The following WDR25 variants were observed in gnomAD, a reference collection of about 807,000 sequenced individuals.
WDR25 encodes WD repeat domain 25, also known as WD repeat-containing protein 25.
A neutral mutation model predicts 47.7 loss-of-function variants in WDR25; 35 were observed. The ratio of observed to expected loss-of-function variants is 0.73; its 90% CI spans 0.56 to 0.97. The LOEUF is 0.97. Among genes scored for constraint, WDR25 ranks in the 50% least tolerant of loss-of-function variants. The pLI is 0.00. For missense variants in WDR25, 634 were observed against 704.7 expected, an observed-to-expected ratio of 0.90 and a Z score of 1.14; for synonymous variants, 248 against 278.9, an observed-to-expected ratio of 0.89 and a Z score of 1.10.
At chr14:100,422,903 T>TGGCTTATGATGTCAATTTTTC (rs1898067886) in intron 2 of WDR25, among the ~76,000 whole-genome samples, 1 of 152,218 alleles carries the variant, frequency 6.6e-6, no homozygotes. Context: ...TGCTATTTTT[T>TGGCTTATGATGTCAATTTTTC]GGCTTATGAT....
At chr14:100,454,443 T>G (rs1484031618) in intron 2 of WDR25, 1 of 1,287,220 alleles carries the variant, frequency 7.8e-7, no homozygotes, top group South Asian at 1.2e-5. Context: ...AATTGAAAAT[T>G]ATGTTTGGCT....
At chr14:100,517,234 C>T (rs935798093) in intron 4 of WDR25, among the ~76,000 whole-genome samples, 2 of 150,382 alleles carry the variant, frequency 1.3e-5, no homozygotes, top group African/African-American at 4.9e-5. Flanking sequence ...TCCTGCCTCA[C>T]GCCTGGCTAA....
chr14:100,401,412 C>A (rs1897378880), intron 2 of WDR25, among the ~76,000 whole-genome samples: 1 of 152,186 alleles, frequency 6.6e-6, no homozygotes, highest in Non-Finnish European at 1.5e-5. Context: ...GTCGTGGAGG[C>A]TGGTCCCCTG....
chr14:100,376,510 C>T lies in WDR25; in HGVS notation c.-16+15C>T, dbSNP rs1286857364. 4 of 1,231,826 alleles carry T rather than the reference C, an allele frequency of 3.2e-6. No homozygotes were observed. The highest frequency in any genetic ancestry group is 4.0e-6 in the Non-Finnish European group (4 of 988,052). 76.3% of individuals were successfully genotyped at this position (1,231,826 alleles called of 1,614,324 possible). On this transcript the variant is annotated intron_variant, in intron 1 of 6. Transcript: ENST00000402312. ...GAGCGCTTCCGGTGCGTGTGGTGAG[C>T]GGCGGGCCCCGGGCTGGAGGGGCCG...
intron 2 of WDR25, among the ~76,000 whole-genome samples, chr14:100,400,721 C>T (rs1897358166): frequency 6.6e-6 from 1 of 152,180 alleles, no homozygotes; most frequent in Non-Finnish European, 1.5e-5. Flanking sequence ...GCACTGGGGT[C>T]TTTTTGTTTT....
chr14:100,437,829 A>T (rs1038032094), intron 2 of WDR25, among the ~76,000 whole-genome samples: 2 of 152,076 alleles, frequency 1.3e-5, no homozygotes, highest in African/African-American at 4.8e-5. Context: ...CAGAGCATTT[A>T]TCTGCCCAGC....
intron 2 of WDR25, among the ~76,000 whole-genome samples, chr14:100,421,283 C>G (rs536228479): frequency 6.6e-6 from 1 of 152,252 alleles, no homozygotes; most frequent in South Asian, 2.1e-4. Context: ...TCCTATGAAC[C>G]AGAGAAGGGG....
chr14:100,403,446 T>C (rs34393347), intron 2 of WDR25, among the ~76,000 whole-genome samples: 28,766 of 152,180 alleles, frequency 0.19, 2,868 homozygotes, highest in Non-Finnish European at 0.21. Flanking sequence ...CTGGGCAGAT[T>C]TGTGTTTGAG....
At chr14:100,474,282 A>G (rs1011816198) in intron 3 of WDR25, among the ~76,000 whole-genome samples, 1 of 152,232 alleles carries the variant, frequency 6.6e-6, no homozygotes, top group Admixed American at 6.5e-5. Flanking sequence ...TACGGATATT[A>G]AATCAAATGT....
rs189750949 is a variant in WDR25, at chr14:100,407,835, C to T, written c.822+26089C>T. Among the ~76,000 whole-genome samples, 14 of 152,258 alleles carry T rather than the reference C, an allele frequency of 9.2e-5. No individual in the cohort carries two copies. Among genetic ancestry groups the T allele is most frequent in the East Asian group, 1.9e-4 (1 of 5,174 alleles). ...CCCGTCCCCGTTCAGGAGCCTCTCA[C>T]GTGTATTGCCTCTCACGTGTATTGT... On this transcript the variant is annotated intron_variant, in intron 2 of 6. Transcript: ENST00000402312. This position sits in a 1 kb window ranked among gnomAD's most constrained non-coding sequence, Gnocchi z 4.1.
intron 4 of WDR25, among the ~76,000 whole-genome samples, chr14:100,518,993 C>A (rs188457876): frequency 2.0e-5 from 3 of 151,290 alleles, no homozygotes; most frequent in African/African-American, 7.3e-5. Context: ...TCAGCTTGAT[C>A]ATTTGGGCAG....
intron 2 of WDR25, among the ~76,000 whole-genome samples, chr14:100,463,095 T>G (rs900733086): frequency 2.0e-5 from 3 of 148,210 alleles, no homozygotes; most frequent in African/African-American, 7.4e-5. Context: ...CCTTTTTCCC[T>G]TCTCTTTTCC....
intron 2 of WDR25, among the ~76,000 whole-genome samples, chr14:100,390,894 A>G (rs1026895723): frequency 3.3e-5 from 5 of 152,138 alleles, no homozygotes; most frequent in African/African-American, 9.7e-5. Context: ...TTGTTTGAGA[A>G]CCAAGTGAGT....
At chr14:100,378,001 C>T (rs895582672) in intron 1 of WDR25, among the ~76,000 whole-genome samples, 1 of 152,174 alleles carries the variant, frequency 6.6e-6, no homozygotes, top group African/African-American at 2.4e-5. Context: ...CCTGAGCGTT[C>T]TGTGCTGTTC....
In WDR25 at chr14:100,502,885, A is replaced by G. The variant is rs897327657; in HGVS notation, c.1101+18761A>G. ...GAATGTATAAAGGCACGTAGGCACT[A>G]AAGGGCACAACATATGAGGGAATGG... On this transcript the variant is annotated intron_variant, in intron 4 of 6. Coordinates refer to ENST00000402312, the MANE Select transcript of WDR25 (RefSeq NM_001161476.3). This position sits in a 1 kb window ranked among gnomAD's most constrained non-coding sequence, Gnocchi z 4.5. 6.6e-6 allele frequency among the ~76,000 whole-genome samples: 1 copy of G among 152,156 alleles called. No individual in the cohort carries two copies. Among genetic ancestry groups the G allele is most frequent in the Non-Finnish European group, 1.5e-5 (1 of 68,016 alleles).
Position 100,488,569 on chromosome 14 carries a change from G to A in WDR25, c.1101+4445G>A, listed in dbSNP as rs373972387. 2.6e-5 allele frequency among the ~76,000 whole-genome samples: 4 copies of A among 152,190 alleles called. No individual in the cohort carries two copies. Among genetic ancestry groups the A allele is most frequent in the Non-Finnish European group, 4.4e-5 (3 of 68,018 alleles). ...GGCCAAGCCACGCCTCCAAAGTAGC[G>A]TTTCTCAAACTCACCTGTGTAGGAG... On this transcript the variant is annotated intron_variant, in intron 4 of 6. Coordinates refer to ENST00000402312, the MANE Select transcript of WDR25 (RefSeq NM_001161476.3). This position sits in a 1 kb window ranked among gnomAD's most constrained non-coding sequence, Gnocchi z 4.2.
At chr14:100,467,025 G>T (rs1401645908) in intron 2 of WDR25, among the ~76,000 whole-genome samples, 1 of 152,198 alleles carries the variant, frequency 6.6e-6, no homozygotes, top group East Asian at 1.9e-4. Flanking sequence ...TGATATCTTA[G>T]ATCATTTTTC....
At chr14:100,385,034 A>G (rs1305426817) in intron 2 of WDR25, among the ~76,000 whole-genome samples, 1 of 152,226 alleles carries the variant, frequency 6.6e-6, no homozygotes, top group Non-Finnish European at 1.5e-5. Context: ...TGCCTGGCAC[A>G]TAGCAGGCAC....
intron 4 of WDR25, among the ~76,000 whole-genome samples, chr14:100,501,526 A>G (rs186141582): frequency 3.8e-4 from 58 of 152,344 alleles, no homozygotes; most frequent in Non-Finnish European, 5.9e-5. Context: ...CGGTCATCTC[A>G]GGCTGATCAG....
Sources: allele counts gnomAD v4.1 joint callset (sites outside exome capture counted in the v4.1 genomes callset), GRCh38; gene constraint gnomAD v4.1.1; non-coding constraint Gnocchi (gnomAD v3.1); transcripts MANE v1.5; gene names NCBI Gene and HGNC (gene_info 2026-07-23, HGNC 2026-07-21).